The following NOL6 variants were observed in gnomAD, a reference collection of about 807,000 sequenced individuals.
NOL6 encodes nucleolar RNA-associated protein.
A neutral mutation model predicts 131.7 loss-of-function variants in NOL6; 33 were observed. The observed-to-expected ratio is 0.25, with a 90% CI of 0.19 to 0.33. The LOEUF is 0.33. Among genes scored for constraint, NOL6 ranks in the 10% least tolerant of loss-of-function variants. The probability of loss-of-function intolerance (pLI) is 1.00; values close to 1 mark genes in which losing one functional copy is unlikely to be tolerated. For missense variants in NOL6, 1,297 were observed against 1,494.5 expected (o/e 0.87, Z 2.18); for synonymous variants, 580 against 605.7 (o/e 0.96, Z 0.62).
At chr9:33,465,990 C>G in intron 18 of NOL6, 81 bp downstream of exon 18, 1 of 1,564,286 alleles carries the variant, frequency 6.4e-7, no homozygotes, top group Non-Finnish European at 8.7e-7. Flanking sequence ...AGCGTGGTAC[C>G]CACAGGGGTG....
At chr9:33,472,986 A>G (rs944633314) in intron 1 of NOL6, among the ~76,000 whole-genome samples, 21 of 151,780 alleles carry the variant, frequency 1.4e-4, no homozygotes, top group Admixed American at 4.6e-4. Context: ...AAAAAAAAAA[A>G]AAGAAGCTGA....
At chr9:33,473,016 A>T (rs1440290943) in intron 1 of NOL6, among the ~76,000 whole-genome samples, 1 of 151,580 alleles carries the variant, frequency 6.6e-6, no homozygotes, top group Non-Finnish European at 1.5e-5. Flanking sequence ...GCCCTAAGTA[A>T]TGCCCAGGCC....
chr9:33,466,431 GA>G lies in NOL6; in HGVS notation c.2092-7del, dbSNP rs779607001. 1.3e-5 allele frequency: 21 copies of G among 1,613,956 alleles called. No homozygotes were observed. The highest frequency in any genetic ancestry group is 1.7e-5 in the Non-Finnish European group (20 of 1,179,904). ...ACTGGAGTTGGTGGGAACACCTGTG[GA>G]AGAAGAGGGGCTGAGGAATGGGCCT... On this transcript the variant is annotated splice_polypyrimidine_tract_variant and splice_region_variant and intron_variant, in intron 16 of 25. Coordinates refer to ENST00000297990, the MANE Select transcript of NOL6 (RefSeq NM_022917.5).
Position 33,463,130 on chromosome 9 carries a change from G to A in NOL6, c.3194C>T (p.Ala1065Val), listed in dbSNP as rs78504369. 29 of 1,612,864 alleles carry A rather than the reference G, an allele frequency of 1.8e-5. No individual in the cohort carries two copies. In the East Asian group the frequency reaches 6.2e-4, roughly 35 times the overall value. ...GAAGAAAAGGGCCAGATCCCCAAAG[G>A]CCTCCTAGAAAGGGACAGAACAGAG... ...PQLYLTQLRE[A>V]FGDLALFFYD... The change falls in exon 25 of 26, where the codon GCC (alanine) becomes GTC (valine). Residue 1065 changes from alanine to valine, a missense_variant. Coordinates refer to ENST00000297990, the MANE Select transcript of NOL6 (RefSeq NM_022917.5).
intron 4 of NOL6, 57 bp from the exon 5 acceptor site, chr9:33,469,724 G>C: frequency 6.3e-7 from 1 of 1,575,388 alleles, no homozygotes. Flanking sequence ...TGGAGCTGTG[G>C]GCCAAGGTGA....
chr9:33,469,368 T>G (rs1227178242), intron 5 of NOL6, 27 bp from the exon 6 acceptor site: 1 of 1,613,830 alleles, frequency 6.2e-7, no homozygotes, highest in Non-Finnish European at 8.5e-7. Context: ...GTGCTGAGAC[T>G]CTGCAGGAGC....
rs1827270656 is a variant in NOL6, at chr9:33,467,186, A to G, written c.1802T>C (p.Val601Ala). The G allele has an allele frequency of 1.2e-6, 2 of 1,614,058 alleles. No homozygotes were observed. The highest frequency in any genetic ancestry group is 1.7e-6 in the Non-Finnish European group (2 of 1,180,040). The change falls in exon 14 of 26, where the codon GTG (valine) becomes GCG (alanine). Residue 601 changes from valine (V) to alanine (A), a missense_variant. By Grantham distance (64) the Val-to-Ala change is moderately conservative. Coordinates refer to ENST00000297990, the MANE Select transcript of NOL6 (RefSeq NM_022917.5). This position sits in a 1 kb window ranked among gnomAD's most constrained non-coding sequence, Gnocchi z 4.4. Reference sequence around the variant, plus strand: ...GGACATAGAGGCTGCCTCCCAGACCACAGCTTCCCGAATGGCTCCGTCCTG... The same window carrying G: ...GGACATAGAGGCTGCCTCCCAGACCGCAGCTTCCCGAATGGCTCCGTCCTG... ...RFQDGAIREA[V>A]VWEAASMSQK...
Position 33,465,835 on chromosome 9 carries a change from C to T in NOL6, c.2427G>A (p.Val809=). ...YQREPQILKE[V]QSPEGMISLR... ...GCGAGATCATCCCCTCTGGGCTCTGCACCTCCTTCAGGATCTGGGGCTCCC... is the reference window on the plus strand; with the variant it reads ...GCGAGATCATCCCCTCTGGGCTCTGTACCTCCTTCAGGATCTGGGGCTCCC... The change falls in exon 19 of 26, where the codon GTG becomes GTA. Residue 809 remains valine, a synonymous_variant. Coordinates refer to ENST00000297990, the MANE Select transcript of NOL6 (RefSeq NM_022917.5). 2 of 1,614,134 alleles carry T rather than the reference C, an allele frequency of 1.2e-6. No individual in the cohort carries two copies. The highest frequency in any genetic ancestry group is 1.7e-6 in the Non-Finnish European group (2 of 1,180,000).
chr9:33,469,016 C>A lies in NOL6; in HGVS notation c.968G>T (p.Gly323Val), dbSNP rs992648377. Reference protein sequence around the residue: ...LLSTILSSAQGLKDGVALLKV... With the variant: ...LLSTILSSAQVLKDGVALLKV... ...CAGAAGTGCCACGCCATCCTTCAGG[C>A]CCTGGGCTGAACTCAGAATGGTTGA... Residue 323 changes from glycine (G) to valine (V), a missense_variant, in exon 7 of 26, where the codon GGC (glycine) becomes GTC (valine). By Grantham distance (109) the Gly-to-Val change is moderately radical. Coordinates refer to ENST00000297990, the MANE Select transcript of NOL6 (RefSeq NM_022917.5). The A allele has an allele frequency of 6.8e-6, 11 of 1,614,082 alleles. No individual in the cohort carries two copies. Among genetic ancestry groups the A allele is most frequent in the Non-Finnish European group, 9.3e-6 (11 of 1,180,036 alleles).
rs398040337 is a variant in NOL6 at position 33,472,968 on chromosome 9, C to CAAA, written c.55-559_55-557dup. Among the ~76,000 whole-genome samples, 52 of 70,914 alleles carry CAAA rather than the reference C, an allele frequency of 7.3e-4. 1 individual carries two copies. Among genetic ancestry groups the CAAA allele is most frequent in the African/African-American group, 2.0e-3 (49 of 24,264 alleles). 46.5% of individuals were successfully genotyped at this position (70,914 alleles called of 152,430 possible). On this transcript the variant is annotated intron_variant, in intron 1 of 25. Coordinates refer to ENST00000297990, the MANE Select transcript of NOL6 (RefSeq NM_022917.5). The stretch of plus-strand genomic sequence containing the variant: ...AGCCTGGGCAACAGAGCAAGACTGT[C>CAAA]AAAAAAAAAAAAAAAAAAAAGAAGC...
chr9:33,462,638 G>A lies in NOL6; in HGVS notation c.*26C>T, dbSNP rs182525743. On this transcript the variant is annotated 3_prime_UTR_variant, in exon 26 of 26. Coordinates refer to ENST00000297990, the MANE Select transcript of NOL6 (RefSeq NM_022917.5). ...CTAGAGGTCCAATGTCCTGCTGTCCGTCTACAGCTTGCTCCAGAGCTGGGA... is the reference window on the plus strand; with the variant it reads ...CTAGAGGTCCAATGTCCTGCTGTCCATCTACAGCTTGCTCCAGAGCTGGGA... 62 of 1,612,960 alleles carry A rather than the reference G, an allele frequency of 3.8e-5. No homozygotes were observed. The East Asian group carries it at 1.0e-3, about 27-fold the overall frequency.
At position 33,463,820 on chromosome 9, in the gene NOL6, CAGA is replaced by C. The variant is rs1344420990; in HGVS notation, c.2994+8_2994+10del. 6.2e-7 allele frequency: 1 copy of C among 1,613,854 alleles called. No individual in the cohort carries two copies. The highest frequency in any genetic ancestry group is 8.5e-7 in the Non-Finnish European group (1 of 1,179,858). On this transcript the variant is annotated splice_region_variant and intron_variant, in intron 23 of 25. Transcript: ENST00000297990. ...CAGAGGCCCTGGAGTCACTGCTGGTCAGAAGCTTACCCTGATGTCCCCAGGTCC... is the reference window on the plus strand; with the variant it reads ...CAGAGGCCCTGGAGTCACTGCTGGTCAGCTTACCCTGATGTCCCCAGGTCC...
At chr9:33,471,793 T>C (rs1827417500) in intron 3 of NOL6, among the ~76,000 whole-genome samples, 1 of 152,264 alleles carries the variant, frequency 6.6e-6, no homozygotes, top group African/African-American at 2.4e-5. Context: ...TATTATTTAC[T>C]GATATATCCT....
chr9:33,462,039 C>A lies in NOL6; in HGVS notation c.*625G>T. The A allele has an allele frequency of 1.5e-6, 1 of 686,424 alleles. No individual in the cohort carries two copies. Among genetic ancestry groups the A allele is most frequent in the Non-Finnish European group, 2.7e-6 (1 of 366,300 alleles). 42.5% of individuals were successfully genotyped at this position (686,424 alleles called of 1,614,324 possible). ...ACCAGTCCCCTGACCCCTTCACCTACCCAATCCTTTCCTGTCCTCGGTTCT... is the reference window on the plus strand; with the variant it reads ...ACCAGTCCCCTGACCCCTTCACCTAACCAATCCTTTCCTGTCCTCGGTTCT... On this transcript the variant is annotated 3_prime_UTR_variant, in exon 26 of 26. Transcript: ENST00000297990.
chr9:33,463,018 C>A lies in NOL6; in HGVS notation c.3291+15G>T. ...TGCACACACTCAGGAACACAGCTGT[C>A]ACCAGCCAGCACACCTTGAAGGGCT... On this transcript the variant is annotated intron_variant, in intron 25 of 25. Coordinates refer to ENST00000297990, the MANE Select transcript of NOL6 (RefSeq NM_022917.5). The A allele has an allele frequency of 6.2e-7, 1 of 1,609,244 alleles. No homozygotes were observed. Among genetic ancestry groups the A allele is most frequent in the South Asian group, 1.1e-5 (1 of 90,546 alleles).
rs112697788 is a variant in NOL6 at position 33,464,115 on chromosome 9, T to C, written c.2826A>G (p.Ala942=). Residue 942 remains alanine (A), a synonymous_variant, in exon 22 of 26, where the codon GCA becomes GCG. Transcript: ENST00000297990. ...TAACAATGACCATGACGGGGAGCTG[T>C]GCCCGAGCTGCCAGGAAGCCACTGC... ...EIRSGFLAAR[A]QLPVMVIVTP... 76 of 1,613,380 alleles carry C rather than the reference T, an allele frequency of 4.7e-5. 1 individual carries two copies. The African/African-American group carries it at 8.8e-4, about 19-fold the overall frequency.
At chr9:33,464,657 C>T (rs578084598) in intron 21 of NOL6, among the ~76,000 whole-genome samples, 148 of 152,272 alleles carry the variant, frequency 9.7e-4, no homozygotes, top group Middle Eastern at 3.4e-3. Flanking sequence ...CACAGCCCCC[C>T]GCCAGGTAGC....
Position 33,469,215 on chromosome 9 carries a change from G to A in NOL6, c.854C>T (p.Ala285Val), listed in dbSNP as rs981010966. The stretch of plus-strand genomic sequence containing the variant: ...CACCAGGGCCTGCTCACCATCCCCT[G>A]CAGGACTCTGCCCTCGGTACCAGGC... The part of the protein sequence containing the change: ...RSAWYRGQSP[A>V]GDGSPEPPTP... Residue 285 changes from alanine to valine, a missense_variant, in exon 6 of 26, where the codon GCA becomes GTA. Ala to Val is a moderately conservative substitution (Grantham distance 64, BLOSUM62 0). Transcript: ENST00000297990. The A allele has an allele frequency of 2.2e-5, 35 of 1,614,092 alleles. No individual in the cohort carries two copies. The highest frequency in any genetic ancestry group is 2.8e-5 in the Non-Finnish European group (33 of 1,180,038).
Position 33,462,694 on chromosome 9 carries a change from CA to C in NOL6, c.3410del (p.Val1137GlyfsTer33). On this transcript the variant is annotated frameshift_variant, in exon 26 of 26. Coordinates refer to ENST00000297990, the MANE Select transcript of NOL6 (RefSeq NM_022917.5). LOFTEE classifies it high-confidence loss of function. ...CAGTCCACCTCTCACTTCGGGCCTC[CA>C]CAGTCTGCACCAGGCCTTCACCCAG... The part of the protein sequence containing the change: ...AVLGEGLVQT[V>X]EARSERWTV 1 of 1,614,178 alleles carries C rather than the reference CA, an allele frequency of 6.2e-7. No individual in the cohort carries two copies. Among genetic ancestry groups the C allele is most frequent in the Non-Finnish European group, 8.5e-7 (1 of 1,180,022 alleles).
Sources: allele counts gnomAD v4.1 joint callset (sites outside exome capture counted in the v4.1 genomes callset), GRCh38; gene constraint gnomAD v4.1.1; non-coding constraint Gnocchi (gnomAD v3.1); transcripts MANE v1.5; gene names NCBI Gene and HGNC (gene_info 2026-07-23, HGNC 2026-07-21).